Variants in MEMO1 observed in about 807,000 individuals in gnomAD.
MEMO1 encodes mediator of cell motility 1, also known as protein MEMO1.
MEMO1 carries 6 observed loss-of-function variants against 45.2 expected under a neutral mutation model. The observed-to-expected ratio is 0.13, with a 90% CI of 0.07 to 0.26. MEMO1 has a LOEUF of 0.26. Among genes scored for constraint, MEMO1 ranks in the 10% least tolerant of loss-of-function variants. The pLI, the probability that MEMO1 is intolerant of heterozygous loss-of-function variation, is 1.00. For synonymous variants in MEMO1, 78 were observed against 124.3 expected (o/e 0.63, Z 2.48); for missense variants, 184 against 370.5 (o/e 0.50, Z 4.13).
chr2:31,869,278 A>C (rs1176619915), intron 9 of MEMO1, among the ~76,000 whole-genome samples: 1 of 152,114 alleles, frequency 6.6e-6, no homozygotes, highest in Non-Finnish European at 1.5e-5. Flanking sequence ...AATTAATGTC[A>C]TATTTTCATT....
intron 4 of MEMO1, among the ~76,000 whole-genome samples, chr2:31,926,863 TAAACAAAACA>T (rs761064758): frequency 6.8e-6 from 1 of 147,668 alleles, no homozygotes; most frequent in Non-Finnish European, 1.5e-5. Flanking sequence ...AAAAGAAAAA[TAAACAAAACA>T]AAACAAAACA....
Position 31,963,677 on chromosome 2 carries a change from T to A in MEMO1, c.62-20294A>T, listed in dbSNP as rs895056273. 3.3e-5 allele frequency among the ~76,000 whole-genome samples: 5 copies of A among 152,250 alleles called. No homozygotes were observed. In the East Asian group the frequency reaches 9.6e-4, roughly 29 times the overall value. On this transcript the variant is annotated intron_variant, in intron 2 of 9. Transcript: ENST00000404530. ...AATATCACCACTTTGCAAGCCCTAA[T>A]AAATCAATAGATAAAAACAATGTTC...
chr2:31,956,385 A>G (rs942331522), intron 2 of MEMO1, among the ~76,000 whole-genome samples: 2 of 152,128 alleles, frequency 1.3e-5, no homozygotes, highest in Admixed American at 1.3e-4. Flanking sequence ...AAAAGTTAGA[A>G]TTTTTATTTT....
intron 2 of MEMO1, among the ~76,000 whole-genome samples, chr2:32,002,660 A>G (rs1207697792): frequency 6.6e-6 from 1 of 152,164 alleles, no homozygotes; most frequent in Non-Finnish European, 1.5e-5. Flanking sequence ...TGGAGATAAT[A>G]CCTACCTTGG....
intron 6 of MEMO1, among the ~76,000 whole-genome samples, chr2:31,896,074 ACCTCGTGATCCGCCCG>A (rs1445346242): frequency 2.6e-5 from 4 of 151,642 alleles, no homozygotes; most frequent in African/African-American, 9.7e-5. Context: ...CGATCTCCTG[ACCTCGTGATCCGCCCG>A]CCTCAGCCTC....
chr2:31,917,830 C>T (rs1681689690), intron 6 of MEMO1, 96 bp downstream of exon 6: 1 of 762,186 alleles, frequency 1.3e-6, no homozygotes, highest in African/African-American at 1.9e-5. Context: ...ATCTTAATCT[C>T]CTTACCCTGA....
chr2:31,961,937 A>G (rs1378952810), intron 2 of MEMO1, among the ~76,000 whole-genome samples: 1 of 152,036 alleles, frequency 6.6e-6, no homozygotes, highest in African/African-American at 2.4e-5. Flanking sequence ...CTGGCTCTGA[A>G]CTCCCACTAT....
At chr2:31,925,781 CTAT>C (rs1300027806) in intron 4 of MEMO1, among the ~76,000 whole-genome samples, 1 of 152,168 alleles carries the variant, frequency 6.6e-6, no homozygotes, top group African/African-American at 2.4e-5. Flanking sequence ...ACTAGCAGTC[CTAT>C]TTTTTAACCT....
chr2:31,936,309 G>A lies in MEMO1; in HGVS notation c.144-4174C>T, dbSNP rs145449988. On this transcript the variant is annotated intron_variant, in intron 3 of 9. Coordinates refer to ENST00000404530, the MANE Select transcript of MEMO1 (RefSeq NM_001301833.4). Reference sequence around the variant, plus strand: ...GCTCTTAAAGTCCTTAATGCAAAAAGCCATCCCCACTAACTTTTCCAAGTC... The same window carrying A: ...GCTCTTAAAGTCCTTAATGCAAAAAACCATCCCCACTAACTTTTCCAAGTC... 8.4e-3 allele frequency among the ~76,000 whole-genome samples: 1,276 copies of A among 152,220 alleles called. 18 individuals are homozygous for A. The highest frequency in any genetic ancestry group is 0.013 in the Non-Finnish European group (863 of 68,016).
intron 2 of MEMO1, among the ~76,000 whole-genome samples, chr2:31,967,069 T>C (rs1339125553): frequency 6.6e-6 from 1 of 152,098 alleles, no homozygotes; most frequent in Non-Finnish European, 1.5e-5. Flanking sequence ...TAAAAATTGC[T>C]GTGTGAGAAA....
chr2:31,962,864 T>G (rs1382045199), intron 2 of MEMO1, among the ~76,000 whole-genome samples: 4 of 152,158 alleles, frequency 2.6e-5, no homozygotes, highest in Non-Finnish European at 4.4e-5. Flanking sequence ...GTGAGAGTAT[T>G]TCTAGATAAG....
chr2:31,988,524 C>T (rs941819436), intron 2 of MEMO1, among the ~76,000 whole-genome samples: 2 of 151,860 alleles, frequency 1.3e-5, no homozygotes, highest in Admixed American at 1.3e-4. Flanking sequence ...CCAGCCTGGG[C>T]GACAAAGCAA....
chr2:31,991,792 G>A (rs1671986190), intron 2 of MEMO1, among the ~76,000 whole-genome samples: 1 of 152,096 alleles, frequency 6.6e-6, no homozygotes, highest in Non-Finnish European at 1.5e-5. Context: ...GCTCATACTA[G>A]AAGAGTAAGC....
intron 3 of MEMO1, among the ~76,000 whole-genome samples, chr2:31,941,189 T>G (rs924647715): frequency 1.3e-5 from 2 of 152,074 alleles, no homozygotes; most frequent in African/African-American, 2.4e-5. Flanking sequence ...CATCTACCAC[T>G]CTTCCCCTTG....
chr2:31,906,085 G>C (rs1244206825), intron 6 of MEMO1, among the ~76,000 whole-genome samples: 5 of 147,894 alleles, frequency 3.4e-5, no homozygotes, highest in African/African-American at 1.2e-4. Flanking sequence ...CAATTCTCCT[G>C]CCTCAGCCTC....
chr2:31,963,734 G>C (rs900662773), intron 2 of MEMO1, among the ~76,000 whole-genome samples: 2 of 152,152 alleles, frequency 1.3e-5, no homozygotes, highest in Non-Finnish European at 2.9e-5. Flanking sequence ...CACACCAAGA[G>C]AGTCAGGCAT....
intron 2 of MEMO1, among the ~76,000 whole-genome samples, chr2:32,000,393 G>C (rs937823452): frequency 3.3e-5 from 5 of 151,980 alleles, no homozygotes; most frequent in Admixed American, 2.6e-4. Context: ...ACCACGCCCA[G>C]CTAATTTTTT....
intron 4 of MEMO1, among the ~76,000 whole-genome samples, chr2:31,926,550 T>A (rs1683142706): frequency 6.6e-6 from 1 of 152,044 alleles, no homozygotes; most frequent in South Asian, 2.1e-4. Flanking sequence ...ATGGTGACAT[T>A]AAGAAATGTT....
intron 8 of MEMO1, among the ~76,000 whole-genome samples, chr2:31,874,265 T>C (rs981028111): frequency 1.4e-4 from 21 of 152,068 alleles, no homozygotes; most frequent in Admixed American, 1.2e-3. Context: ...GTTTACAAGA[T>C]CAGTATCTCC....
Sources: allele counts gnomAD v4.1 joint callset (sites outside exome capture counted in the v4.1 genomes callset), GRCh38; gene constraint gnomAD v4.1.1; transcripts MANE v1.5; gene names NCBI Gene and HGNC (gene_info 2026-07-23, HGNC 2026-07-21).